CAMKMT: variants seen among roughly 807,000 people sequenced by gnomAD.
The protein encoded by CAMKMT is calmodulin-lysine N-methyltransferase, also known as CaM KMT.
Under a neutral mutation model 48.0 loss-of-function variants are expected in CAMKMT, and 53 were observed. The ratio of observed to expected loss-of-function variants is 1.10; its 90% CI spans 0.89 to 1.39. The LOEUF (loss-of-function observed/expected upper bound fraction) is 1.39, where lower values mean the gene tolerates loss of function less well. Among genes scored for constraint, CAMKMT ranks in the 40% most tolerant of loss-of-function variants. The probability of loss-of-function intolerance (pLI) is 0.00; values close to 1 mark genes in which losing one functional copy is unlikely to be tolerated. For synonymous variants in CAMKMT, 165 were observed against 152.3 expected, an observed-to-expected ratio of 1.08 and a Z score of -0.61; for missense variants, 428 against 402.7, an observed-to-expected ratio of 1.06 and a Z score of -0.54.
At chr2:44,637,633 A>C (rs1392412814) in intron 3 of CAMKMT, among the ~76,000 whole-genome samples, 2 of 152,022 alleles carry the variant, frequency 1.3e-5, no homozygotes, top group African/African-American at 4.8e-5. Context: ...TACAAGCTGT[A>C]TTAGAAAAGG....
At chr2:44,614,160 C>G (rs1671746766) in intron 3 of CAMKMT, among the ~76,000 whole-genome samples, 1 of 152,038 alleles carries the variant, frequency 6.6e-6, no homozygotes, top group Non-Finnish European at 1.5e-5. Context: ...TGTATTTGGA[C>G]TAGATATTGA....
intron 3 of CAMKMT, among the ~76,000 whole-genome samples, chr2:44,400,441 C>T (rs1353413865): frequency 6.6e-6 from 1 of 152,070 alleles, no homozygotes; most frequent in East Asian, 1.9e-4. Context: ...CCTTGGCACT[C>T]ACCACTCTAC....
At chr2:44,509,499 T>G (rs928589359) in intron 3 of CAMKMT, among the ~76,000 whole-genome samples, 2 of 151,998 alleles carry the variant, frequency 1.3e-5, no homozygotes, top group Non-Finnish European at 2.9e-5. Context: ...TTTGTAGAGA[T>G]GGGGTTTCAC....
intron 3 of CAMKMT, among the ~76,000 whole-genome samples, chr2:44,598,267 A>AC (rs1361179188): frequency 1.3e-5 from 2 of 151,846 alleles, no homozygotes; most frequent in African/African-American, 4.8e-5. Context: ...AAGTTCATGG[A>AC]CCCCCTGAAT....
chr2:44,725,143 CGTGTGTGTGTGTGTGTGT>C (rs4039394), intron 7 of CAMKMT, among the ~76,000 whole-genome samples: 1 of 140,556 alleles, frequency 7.1e-6, no homozygotes, highest in South Asian at 2.4e-4. Context: ...GCTTTCTGGA[CGTGTGTGTGTGTGTGTGT>C]GTGTGTGTGT....
In CAMKMT at chr2:44,384,865, G is replaced by A. The variant is rs140365321; in HGVS notation, c.312-5376G>A. 3.5e-3 allele frequency among the ~76,000 whole-genome samples: 530 copies of A among 152,196 alleles called. 2 individuals are homozygous for A. The highest frequency in any genetic ancestry group is 0.012 in the African/African-American group (489 of 41,548). On this transcript the variant is annotated intron_variant, in intron 2 of 10. Transcript: ENST00000378494. ...GTGCTTATTTTTATATCAGTACCAC[G>A]CTGTTTTAGTGACTGTGGCTTTATA...
intron 3 of CAMKMT, among the ~76,000 whole-genome samples, chr2:44,410,247 A>ATTTTTTTTT (rs1164693728): frequency 5.1e-5 from 1 of 19,468 alleles, no homozygotes; most frequent in African/African-American, 1.7e-4. Flanking sequence ...ATATATATAT[A>ATTTTTTTTT]TTTTTTTTTT....
Position 44,498,914 on chromosome 2 carries a change from C to T in CAMKMT, c.376+108609C>T, listed in dbSNP as rs139247467. On this transcript the variant is annotated intron_variant, in intron 3 of 10. Transcript: ENST00000378494. ...CAAGTCTTGAATTTTGTGGTAATGG[C>T]GGGGGTTGGGGGAGGGATTTCTCTC... 1.1e-3 allele frequency among the ~76,000 whole-genome samples: 173 copies of T among 151,980 alleles called. 1 individual carries two copies. The highest frequency in any genetic ancestry group is 4.1e-3 in the African/African-American group (168 of 41,474).
intron 1 of CAMKMT, among the ~76,000 whole-genome samples, chr2:44,368,013 C>G (rs1678788546): frequency 6.6e-6 from 1 of 152,206 alleles, no homozygotes; most frequent in African/African-American, 2.4e-5. Flanking sequence ...GGGTCTTTGA[C>G]TTCCATTGTG....
intron 3 of CAMKMT, among the ~76,000 whole-genome samples, chr2:44,467,935 A>C (rs926359245): frequency 6.6e-6 from 1 of 152,196 alleles, no homozygotes; most frequent in Non-Finnish European, 1.5e-5. Flanking sequence ...GCTTCAGGGC[A>C]TTGGTCTGGG....
At chr2:44,702,449 C>A (rs551815369) in intron 3 of CAMKMT, among the ~76,000 whole-genome samples, 1 of 152,062 alleles carries the variant, frequency 6.6e-6, no homozygotes, top group East Asian at 1.9e-4. Flanking sequence ...TGTTAGGAAC[C>A]ATTCTAAACA....
At chr2:44,372,137 G>C (rs774491710) in intron 1 of CAMKMT, among the ~76,000 whole-genome samples, 3 of 152,140 alleles carry the variant, frequency 2.0e-5, no homozygotes, top group Non-Finnish European at 4.4e-5. Flanking sequence ...ATCCCCAGGA[G>C]AAAAGTGGTT....
intron 3 of CAMKMT, chr2:44,394,927 G>C (rs995329651): frequency 1.8e-5 from 8 of 454,814 alleles, no homozygotes; most frequent in African/African-American, 1.6e-4. Flanking sequence ...AGAAGGCTAA[G>C]GCTGGATGAT....
chr2:44,379,578 T>G (rs1680036046), intron 2 of CAMKMT, among the ~76,000 whole-genome samples: 1 of 152,200 alleles, frequency 6.6e-6, no homozygotes, highest in African/African-American at 2.4e-5. Context: ...CACTTGTTAA[T>G]TTTTCTTCTT....
chr2:44,495,117 A>G (rs557508577), intron 3 of CAMKMT, among the ~76,000 whole-genome samples: 22 of 152,298 alleles, frequency 1.4e-4, no homozygotes, highest in South Asian at 8.3e-4. Context: ...AAAGAAATAA[A>G]TGCCTCTGCA....
At chr2:44,407,309 A>C (rs575733572) in intron 3 of CAMKMT, among the ~76,000 whole-genome samples, 2 of 152,184 alleles carry the variant, frequency 1.3e-5, no homozygotes, top group East Asian at 3.9e-4. Context: ...GTAGACTGTT[A>C]AGTTGGTTCA....
At chr2:44,691,139 A>T (rs1211809688) in intron 3 of CAMKMT, among the ~76,000 whole-genome samples, 1 of 152,192 alleles carries the variant, frequency 6.6e-6, no homozygotes, top group African/African-American at 2.4e-5. Context: ...CTGAGGTCAC[A>T]AAGATATTAA....
chr2:44,559,283 G>A (rs1010367376), intron 3 of CAMKMT, among the ~76,000 whole-genome samples: 2 of 152,162 alleles, frequency 1.3e-5, no homozygotes, highest in Non-Finnish European at 2.9e-5. Flanking sequence ...ACTCCTCCGA[G>A]AGCATCTGTC....
chr2:44,417,652 G>A (rs1051865128), intron 3 of CAMKMT, among the ~76,000 whole-genome samples: 12 of 152,116 alleles, frequency 7.9e-5, no homozygotes, highest in Non-Finnish European at 1.5e-4. Context: ...CCAAGTGGTT[G>A]TACTATTTTA....
Sources: gnomAD v4.1 joint callset for allele counts (sites outside exome capture counted in the v4.1 genomes callset) on GRCh38, gnomAD v4.1.1 for gene constraint, MANE v1.5 for transcripts, NCBI Gene and HGNC (gene_info 2026-07-23, HGNC 2026-07-21) for gene names.